CRTAP: variants seen among roughly 807,000 people sequenced by gnomAD.
The protein encoded by CRTAP is cartilage associated protein.
Under a neutral mutation model 42.7 loss-of-function variants are expected in CRTAP, and 33 were observed. That is an observed-to-expected ratio of 0.77 (90% CI 0.59 to 1.03). The LOEUF (loss-of-function observed/expected upper bound fraction) is 1.03, where lower values mean the gene tolerates loss of function less well. CRTAP is among the 50% of genes least tolerant of loss of function. The pLI is 0.00. For missense variants in CRTAP, 613 were observed against 533.9 expected, an observed-to-expected ratio of 1.15 and a Z score of -1.46; for synonymous variants, 243 against 217.7, an observed-to-expected ratio of 1.12 and a Z score of -1.02.
At chr3:33,117,261 T>C (rs1442742630) in intron 1 of CRTAP, among the ~76,000 whole-genome samples, 1 of 152,242 alleles carries the variant, frequency 6.6e-6, no homozygotes, top group Non-Finnish European at 1.5e-5. Flanking sequence ...AATGTTACTC[T>C]GCTGTTCTGA....
chr3:33,129,791 C>T (rs544488862), intron 3 of CRTAP, 148 bp from the exon 4 acceptor site: 20 of 642,794 alleles, frequency 3.1e-5, no homozygotes, highest in East Asian at 1.4e-4. Flanking sequence ...CCCGCCTCAG[C>T]CTCCCGAAGT....
chr3:33,129,864 A>T, intron 3 of CRTAP, 75 bp from the exon 4 acceptor site: 1 of 1,474,294 alleles, frequency 6.8e-7, no homozygotes, highest in South Asian at 1.1e-5. Flanking sequence ...TAACTTTTTC[A>T]TTTGGGCAGG....
Position 33,114,478 on chromosome 3 carries a change from C to G in CRTAP, c.401C>G (p.Pro134Arg). 6.2e-7 allele frequency: 1 copy of G among 1,601,526 alleles called. No individual in the cohort carries two copies. Among genetic ancestry groups the G allele is most frequent in the Non-Finnish European group, 8.5e-7 (1 of 1,176,068 alleles). The change falls in exon 1 of 7, where the codon CCC (proline) becomes CGC (arginine). Residue 134 changes from proline (P) to arginine (R), a missense_variant. By Grantham distance (103) the Pro-to-Arg change is moderately radical. Transcript: ENST00000320954. ...CTGCCAGCCTTCCGCCAGTCCCAGC[C>G]CAGCCGCGAGGTGCTGGCGGACTTC... is the stretch of plus-strand genomic sequence containing the variant. ...QGLPAFRQSQ[P>R]SREVLADFQR...
intron 6 of CRTAP, among the ~76,000 whole-genome samples, chr3:33,134,850 G>A (rs2030377201): frequency 6.6e-6 from 1 of 152,164 alleles, no homozygotes. Flanking sequence ...AATGCTTACT[G>A]AGAAAGCTGG....
rs139099707 is a variant in CRTAP at position 33,124,553 on chromosome 3, T to G, written c.767T>G (p.Phe256Cys). Residue 256 changes from phenylalanine (F) to cysteine (C), a missense_variant, in exon 3 of 7, where the codon TTC (phenylalanine) becomes TGC (cysteine). Transcript: ENST00000320954. Reference sequence around the variant, plus strand: ...GAGGGTTCCAGGGAGATCAAGGACTTCAAGGATTTCTACCTTTCCATAGCA... The same window carrying G: ...GAGGGTTCCAGGGAGATCAAGGACTGCAAGGATTTCTACCTTTCCATAGCA... ...ACEGSREIKD[F>C]KDFYLSIADH... The G allele has an allele frequency of 2.1e-5, 34 of 1,614,108 alleles. No homozygotes were observed. Among genetic ancestry groups the G allele is most frequent in the Non-Finnish European group, 2.8e-5 (33 of 1,180,044 alleles).
At chr3:33,128,236 T>C (rs1464402457) in intron 3 of CRTAP, among the ~76,000 whole-genome samples, 1 of 152,198 alleles carries the variant, frequency 6.6e-6, no homozygotes, top group Admixed American at 6.5e-5. Flanking sequence ...TCATATTCTC[T>C]TTTTGTTAAT....
chr3:33,130,525 C>CTTTTTTTTTTTTTTTTTTTTTTTTTTTTT (rs765558103), intron 4 of CRTAP, among the ~76,000 whole-genome samples: 24 of 55,266 alleles, frequency 4.3e-4, no homozygotes, highest in Non-Finnish European at 6.2e-4. Context: ...CTTTTCTTTT[C>CTTTTTTTTTTTTTTTTTTTTTTTTTTTTT]TTTTTTTTTT....
In CRTAP at chr3:33,114,118, T is replaced by C; in HGVS notation, c.41T>C (p.Leu14Pro). 5 of 1,534,446 alleles carry C rather than the reference T, an allele frequency of 3.3e-6. No homozygotes were observed. Among genetic ancestry groups the C allele is most frequent in the Non-Finnish European group, 4.3e-6 (5 of 1,151,474 alleles). ...CGGGGGGCCGCGGCGCTGCTAGCGC[T>C]GCTGTGCGTGGCCTGCGCGCTGCGC... is the stretch of plus-strand genomic sequence containing the variant. ...GRRGAAALLA[L>P]LCVACALRAG... Residue 14 changes from leucine to proline, a missense_variant, in exon 1 of 7, where the codon CTG becomes CCG. By Grantham distance (98) the Leu-to-Pro change is moderately conservative. Coordinates refer to ENST00000320954, the MANE Select transcript of CRTAP (RefSeq NM_006371.5).
intron 3 of CRTAP, among the ~76,000 whole-genome samples, chr3:33,128,338 T>C (rs1414532599): frequency 6.6e-6 from 1 of 152,210 alleles, no homozygotes; most frequent in Non-Finnish European, 1.5e-5. Flanking sequence ...CATCTTCCTT[T>C]AGAATTCTTT....
At position 33,114,220 on chromosome 3, in the gene CRTAP, A is replaced by G. The variant is rs768012717; in HGVS notation, c.143A>G (p.Tyr48Cys). 9 of 1,592,862 alleles carry G rather than the reference A, an allele frequency of 5.7e-6. No homozygotes were observed. The highest frequency in any genetic ancestry group is 7.7e-6 in the Non-Finnish European group (9 of 1,175,834). ...GAGCTGATGCCGCTCGAGTCGGCCTACCGGCACGCGCTGGACAAGTACAGC... is the reference window on the plus strand; with the variant it reads ...GAGCTGATGCCGCTCGAGTCGGCCTGCCGGCACGCGCTGGACAAGTACAGC... Reference protein sequence around the residue: ...RDELMPLESAYRHALDKYSGE... With the variant: ...RDELMPLESACRHALDKYSGE... Residue 48 changes from tyrosine to cysteine, a missense_variant, in exon 1 of 7, where the codon TAC becomes TGC. Physicochemically the swap from Tyr to Cys is radical, Grantham distance 194 (BLOSUM62 -2). Coordinates refer to ENST00000320954, the MANE Select transcript of CRTAP (RefSeq NM_006371.5).
chr3:33,132,412 C>T, intron 4 of CRTAP, 143 bp from the exon 5 acceptor site: 7 of 1,183,362 alleles, frequency 5.9e-6, no homozygotes, highest in Non-Finnish European at 8.8e-6. Context: ...GCCTGCCCAC[C>T]CAGGGCTGCC....
At chr3:33,139,433 GC>G (rs2030512086) in intron 6 of CRTAP, among the ~76,000 whole-genome samples, 1 of 151,802 alleles carries the variant, frequency 6.6e-6, no homozygotes, top group East Asian at 1.9e-4. Context: ...TTTTGTAGGT[GC>G]CCTTTATTAG....
At position 33,114,494 on chromosome 3, in the gene CRTAP, G is replaced by A. The variant is rs762232251; in HGVS notation, c.417G>A (p.Leu139=). 1.2e-6 allele frequency: 2 copies of A among 1,603,706 alleles called. No individual in the cohort carries two copies. Among genetic ancestry groups the A allele is most frequent in the Non-Finnish European group, 1.7e-6 (2 of 1,177,056 alleles). ...FRQSQPSREV[L]ADFQRREPYK... is the part of the protein sequence containing the mutation. ...AGTCCCAGCCCAGCCGCGAGGTGCTGGCGGACTTCCAGCGCCGCGAGCCCT... is the reference window on the plus strand; with the variant it reads ...AGTCCCAGCCCAGCCGCGAGGTGCTAGCGGACTTCCAGCGCCGCGAGCCCT... Residue 139 remains leucine (L), a synonymous_variant, in exon 1 of 7, where the codon CTG becomes CTA. Coordinates refer to ENST00000320954, the MANE Select transcript of CRTAP (RefSeq NM_006371.5).
intron 4 of CRTAP, among the ~76,000 whole-genome samples, chr3:33,131,310 A>G (rs1241868160): frequency 6.6e-6 from 1 of 151,148 alleles, no homozygotes; most frequent in African/African-American, 2.4e-5. Flanking sequence ...TCTTCAGAAC[A>G]CGTAAGCCTT....
At position 33,114,452 on chromosome 3, in the gene CRTAP, C is replaced by G. The variant is rs748878855; in HGVS notation, c.375C>G (p.Gly125=). The G allele has an allele frequency of 1.3e-6, 2 of 1,581,774 alleles. No homozygotes were observed. Among genetic ancestry groups the G allele is most frequent in the South Asian group, 2.3e-5 (2 of 86,964 alleles). ...RAHCLKRCKQ[G]LPAFRQSQPS... is the part of the protein sequence containing the mutation. Reference sequence around the variant, plus strand: ...ACTGCCTCAAGCGCTGCAAGCAGGGCCTGCCAGCCTTCCGCCAGTCCCAGC... The same window carrying G: ...ACTGCCTCAAGCGCTGCAAGCAGGGGCTGCCAGCCTTCCGCCAGTCCCAGC... The change falls in exon 1 of 7, where the codon GGC becomes GGG. Residue 125 remains glycine, a synonymous_variant. Coordinates refer to ENST00000320954, the MANE Select transcript of CRTAP (RefSeq NM_006371.5).
chr3:33,116,635 A>G (rs1325139462), intron 1 of CRTAP, among the ~76,000 whole-genome samples: 1 of 152,252 alleles, frequency 6.6e-6, no homozygotes, highest in East Asian at 1.9e-4. Flanking sequence ...CTGAGATTAC[A>G]GTCTGGGATT....
intron 3 of CRTAP, among the ~76,000 whole-genome samples, chr3:33,125,200 G>T (rs1265538495): frequency 6.6e-6 from 1 of 152,156 alleles, no homozygotes; most frequent in Non-Finnish European, 1.5e-5. Context: ...TCCCAAAGTG[G>T]TTTGAGAACA....
In CRTAP at chr3:33,145,669, CTG is replaced by C. The variant is rs1288253906; in HGVS notation, c.*3226_*3227del. The C allele has an allele frequency of 1.3e-5, 2 of 152,358 alleles. No individual in the cohort carries two copies. Among genetic ancestry groups the C allele is most frequent in the Non-Finnish European group, 2.9e-5 (2 of 68,184 alleles). The allele number at this position is 152,358 out of a possible 1,614,324, so 9.4% of individuals were successfully genotyped here. ...CCTCAGGCTGCAGTGTCCTTCCCAG[CTG>C]TGTGAGAAAATGAAAGCCGACGTCC... On this transcript the variant is annotated 3_prime_UTR_variant, in exon 7 of 7. Transcript: ENST00000320954. The surrounding 1 kb of genome is among the most constrained non-coding windows in gnomAD (Gnocchi z 4.3).
intron 3 of CRTAP, among the ~76,000 whole-genome samples, chr3:33,127,580 T>C (rs2030112504): frequency 6.6e-6 from 1 of 151,782 alleles, no homozygotes; most frequent in Admixed American, 6.6e-5. Context: ...CCCGAGTAGC[T>C]GGGATTACAG....
Sources: allele counts gnomAD v4.1 joint callset (sites outside exome capture counted in the v4.1 genomes callset), GRCh38; gene constraint gnomAD v4.1.1; non-coding constraint Gnocchi (gnomAD v3.1); transcripts MANE v1.5; gene names NCBI Gene and HGNC (gene_info 2026-07-23, HGNC 2026-07-21).